Variants in USP48 observed in about 807,000 individuals in gnomAD.
The protein encoded by USP48 is ubiquitin carboxyl-terminal hydrolase 48.
Under a neutral mutation model 150.7 loss-of-function variants are expected in USP48, and 43 were observed. The ratio of observed to expected loss-of-function variants is 0.29; its 90% CI spans 0.22 to 0.37. The LOEUF (loss-of-function observed/expected upper bound fraction) is 0.37. USP48 is among the 10% of genes least tolerant of loss of function. USP48 has a pLI of 1.00. For synonymous variants in USP48, 396 were observed against 425.9 expected (o/e 0.93, Z 0.86); for missense variants, 813 against 1,249.6 (o/e 0.65, Z 5.27).
intron 1 of USP48, among the ~76,000 whole-genome samples, chr1:21,776,702 C>T (rs570201810): frequency 6.6e-5 from 10 of 151,666 alleles, no homozygotes; most frequent in Non-Finnish European, 1.5e-4. Flanking sequence ...GCCTGTAATC[C>T]CAGCACTTTG....
Position 21,728,738 on chromosome 1 carries a change from C to T in USP48, c.1301-19G>A. 6.2e-7 allele frequency: 1 copy of T among 1,608,982 alleles called. No homozygotes were observed. The highest frequency in any genetic ancestry group is 8.5e-7 in the Non-Finnish European group (1 of 1,178,498). ...AGAAAGGCTATTCAAAACAGAAAGA[C>T]AAAAAACAACTTTATTCTTGTTTTC... is the stretch of plus-strand genomic sequence containing the variant. On this transcript the variant is annotated intron_variant, in intron 10 of 26. Coordinates refer to ENST00000308271, the MANE Select transcript of USP48 (RefSeq NM_032236.8).
intron 15 of USP48, among the ~76,000 whole-genome samples, chr1:21,710,800 TAAA>T (rs34024479): frequency 6.9e-6 from 1 of 145,446 alleles, no homozygotes; most frequent in African/African-American, 2.6e-5. Flanking sequence ...AATAAAGAAT[TAAA>T]AAAAAAAAAA....
At chr1:21,683,856 C>T (rs2097573523) in intron 25 of USP48, among the ~76,000 whole-genome samples, 1 of 152,146 alleles carries the variant, frequency 6.6e-6, no homozygotes, top group Non-Finnish European at 1.5e-5. Context: ...TTTTTTAGCT[C>T]CTACGTATGA....
intron 25 of USP48, 104 bp downstream of exon 25, chr1:21,687,087 T>C: frequency 9.3e-7 from 1 of 1,072,474 alleles, no homozygotes; most frequent in Non-Finnish European, 1.4e-6. Flanking sequence ...GAAGCTTTTT[T>C]CAAGGTTCAA....
intron 1 of USP48, among the ~76,000 whole-genome samples, chr1:21,779,405 G>A (rs965782354): frequency 6.6e-6 from 1 of 151,770 alleles, no homozygotes; most frequent in Non-Finnish European, 1.5e-5. Context: ...AAATTAGCCG[G>A]GTGTGGTGGT....
chr1:21,747,905 A>G (rs939745978), intron 7 of USP48, among the ~76,000 whole-genome samples: 13 of 152,240 alleles, frequency 8.5e-5, no homozygotes, highest in African/African-American at 3.1e-4. Flanking sequence ...TAGAATAAAA[A>G]AAGTAAGGAT....
At chr1:21,759,018 C>T (rs1357506620) in intron 1 of USP48, among the ~76,000 whole-genome samples, 1 of 151,606 alleles carries the variant, frequency 6.6e-6, no homozygotes, top group Admixed American at 6.6e-5. Context: ...ACTAGAAATA[C>T]AAAAATTAGC....
Position 21,756,450 on chromosome 1 carries a change from T to A in USP48, c.412+96A>T, listed in dbSNP as rs2097835227. 8.6e-6 allele frequency: 12 copies of A among 1,389,872 alleles called. No homozygotes were observed. In the South Asian group the frequency reaches 9.3e-5, roughly 11 times the overall value. 86.1% of individuals were successfully genotyped at this position (1,389,872 alleles called of 1,614,324 possible). A position where few individuals can be genotyped will look rare whatever the true frequency, so the allele number is the denominator to read the frequency against. ...GAACCGAGATGGCGCCACTTCACTC[T>A]GGCTTGGGAAACAGAGGAAGACTCA... On this transcript the variant is annotated intron_variant, in intron 3 of 26. Coordinates refer to ENST00000308271, the MANE Select transcript of USP48 (RefSeq NM_032236.8).
In USP48 at chr1:21,721,826, A is replaced by T. The variant is rs2097721589; in HGVS notation, c.1649-62T>A. The T allele has an allele frequency of 2.4e-6, 3 of 1,267,388 alleles. No individual in the cohort carries two copies. The South Asian group carries it at 5.1e-5, about 21-fold the overall frequency. 78.5% of individuals were successfully genotyped at this position (1,267,388 alleles called of 1,614,324 possible). On this transcript the variant is annotated intron_variant, in intron 12 of 26. Transcript: ENST00000308271. ...TTCAAACAGACTTCCTGTTAGGAAA[A>T]TGTTTTCAGCACTTCACAAACACAG...
intron 7 of USP48, among the ~76,000 whole-genome samples, chr1:21,747,405 T>G (rs1367523254): frequency 1.3e-5 from 2 of 152,188 alleles, no homozygotes; most frequent in African/African-American, 2.4e-5. Flanking sequence ...ACAAAACAGA[T>G]TATCCTGCTT....
At chr1:21,714,267 T>G (rs2097698280) in intron 15 of USP48, among the ~76,000 whole-genome samples, 1 of 152,056 alleles carries the variant, frequency 6.6e-6, no homozygotes, top group African/African-American at 2.4e-5. Context: ...TGTGTCAAAT[T>G]TATTGTCCTA....
chr1:21,761,520 A>G (rs1240864710), intron 1 of USP48, among the ~76,000 whole-genome samples: 5 of 152,196 alleles, frequency 3.3e-5, no homozygotes, highest in Admixed American at 2.6e-4. Flanking sequence ...GACTTTGAAC[A>G]ATAAAATGTG....
chr1:21,746,205 A>G (rs920785394), intron 8 of USP48, among the ~76,000 whole-genome samples: 4 of 152,164 alleles, frequency 2.6e-5, no homozygotes, highest in African/African-American at 9.7e-5. Flanking sequence ...TAATTTCTAC[A>G]TTAAAAATTT....
intron 9 of USP48, among the ~76,000 whole-genome samples, chr1:21,733,759 C>G (rs1423784867): frequency 6.6e-6 from 1 of 151,892 alleles, no homozygotes; most frequent in Non-Finnish European, 1.5e-5. Context: ...TCAAATAAAA[C>G]CAAGACATAA....
intron 22 of USP48, among the ~76,000 whole-genome samples, chr1:21,697,767 AAGTACAAAACAC>A (rs372191815): frequency 5.3e-5 from 8 of 152,264 alleles, no homozygotes; most frequent in African/African-American, 1.7e-4. Context: ...TTTATTTTAG[AAGTACAAAACAC>A]AACCAAAAAC....
At chr1:21,707,506 C>T (rs999674012) in intron 15 of USP48, among the ~76,000 whole-genome samples, 3 of 152,134 alleles carry the variant, frequency 2.0e-5, no homozygotes, top group African/African-American at 7.2e-5. Flanking sequence ...TGAAGATCCC[C>T]TTCAATCTTC....
chr1:21,696,540 A>G (rs1339412626), intron 22 of USP48, among the ~76,000 whole-genome samples: 1 of 152,192 alleles, frequency 6.6e-6, no homozygotes, highest in Non-Finnish European at 1.5e-5. Flanking sequence ...CTAATTACAT[A>G]CTGATTTGAG....
chr1:21,743,389 A>AGTAT (rs576125307), intron 8 of USP48, among the ~76,000 whole-genome samples: 24 of 152,322 alleles, frequency 1.6e-4, no homozygotes, highest in African/African-American at 5.3e-4. Context: ...GGAGGAACAA[A>AGTAT]GTATGATAAG....
chr1:21,688,525 G>A (rs979805469), intron 24 of USP48, among the ~76,000 whole-genome samples: 4 of 151,394 alleles, frequency 2.6e-5, no homozygotes, highest in Non-Finnish European at 5.9e-5. Context: ...AGTGAAAGTA[G>A]GGGCTTCTAA....
Sources: gnomAD v4.1 joint callset for allele counts (sites outside exome capture counted in the v4.1 genomes callset) on GRCh38, gnomAD v4.1.1 for gene constraint, MANE v1.5 for transcripts, NCBI Gene and HGNC (gene_info 2026-07-23, HGNC 2026-07-21) for gene names.